The following TAAR5 variants were observed in gnomAD, a reference collection of about 807,000 sequenced individuals.
TAAR5 encodes trace amine-associated receptor 5.
A neutral mutation model predicts 21.1 loss-of-function variants in TAAR5; 27 were observed. That is an observed-to-expected ratio of 1.28 (90% CI 0.94 to 1.76). TAAR5 has a LOEUF of 1.76. TAAR5 is among the 40% of genes most tolerant of loss of function. The pLI is 0.00. For synonymous variants in TAAR5, 203 were observed against 167.5 expected (o/e 1.21, Z -1.64); for missense variants, 495 against 405.6 (o/e 1.22, Z -1.89).
chr6:132,600,232 A>G, the TAAR5 span, among the ~76,000 whole-genome samples: 2 of 152,130 alleles, frequency 1.3e-5, no homozygotes, highest in Non-Finnish European at 2.9e-5. Context: ...AGTATTGTTT[A>G]ACTTCTTTTA....
chr6:132,588,818 A>C lies in TAAR5; in HGVS notation c.869T>G (p.Phe290Cys), dbSNP rs368077171. The change falls in exon 1 of 1, where the codon TTT becomes TGT. Residue 290 changes from phenylalanine (F) to cysteine (C), a missense_variant. Phe to Cys is a radical substitution (Grantham distance 205, BLOSUM62 -2). Transcript: ENST00000258034. ...TGAGTTGAAGTAAGCAAACCAGATA[A>C]AGATGTCAAAGACCAGTGGGGGTGT... ...FITPPLVFDIFIWFAYFNSAC... is the reference protein window; with the variant it reads ...FITPPLVFDICIWFAYFNSAC... 4.3e-6 allele frequency: 7 copies of C among 1,613,998 alleles called. No homozygotes were observed. The East Asian group carries it at 1.3e-4, about 31-fold the overall frequency.
At chr6:132,602,600 T>C in the TAAR5 span, among the ~76,000 whole-genome samples, 1,204 of 152,236 alleles carry the variant, frequency 7.9e-3, 11 homozygotes, top group African/African-American at 0.028. Flanking sequence ...TCCTGCTGTG[T>C]AGCTCAGTTC....
At chr6:132,603,026 G>A in the TAAR5 span, among the ~76,000 whole-genome samples, 4 of 151,804 alleles carry the variant, frequency 2.6e-5, no homozygotes, top group African/African-American at 9.7e-5. Context: ...GAAAATTGTC[G>A]GCCAGGCACA....
At chr6:132,607,697 G>C in the TAAR5 span, among the ~76,000 whole-genome samples, 1 of 152,194 alleles carries the variant, frequency 6.6e-6, no homozygotes, top group Non-Finnish European at 1.5e-5. Flanking sequence ...ACCTATGGCA[G>C]TAGTGAGCCT....
chr6:132,599,976 T>C, the TAAR5 span, among the ~76,000 whole-genome samples: 1 of 152,184 alleles, frequency 6.6e-6, no homozygotes, highest in African/African-American at 2.4e-5. Context: ...AAAGCATTTG[T>C]AAACAAACAA....
chr6:132,615,444 A>G, the TAAR5 span, among the ~76,000 whole-genome samples: 1 of 146,622 alleles, frequency 6.8e-6, no homozygotes. Context: ...GAAAATCTTT[A>G]TTTAAAAAAA....
At chr6:132,609,920 C>T in the TAAR5 span, among the ~76,000 whole-genome samples, 1 of 152,194 alleles carries the variant, frequency 6.6e-6, no homozygotes, top group Non-Finnish European at 1.5e-5. Context: ...CTTAGCTTCT[C>T]TGTTTGCTAC....
At chr6:132,608,822 C>T in the TAAR5 span, 1 of 455,930 alleles carries the variant, frequency 2.2e-6, no homozygotes, top group South Asian at 1.5e-5. Flanking sequence ...CAGCAAAATG[C>T]CAGCAGTTGC....
the TAAR5 span, among the ~76,000 whole-genome samples, chr6:132,607,259 CCTT>C: frequency 6.6e-6 from 1 of 151,926 alleles, no homozygotes; most frequent in East Asian, 1.9e-4. Context: ...ATTCTACTCT[CCTT>C]CTCCTTCTCC....
At chr6:132,597,845 C>T in the TAAR5 span, among the ~76,000 whole-genome samples, 19 of 152,082 alleles carry the variant, frequency 1.2e-4, no homozygotes, top group South Asian at 2.3e-3. Context: ...AGGGAGAAGA[C>T]GATAGACTAA....
chr6:132,595,168 C>T, the TAAR5 span: 1 of 153,280 alleles, frequency 6.5e-6, no homozygotes, highest in East Asian at 1.9e-4. Flanking sequence ...TGTGATCACA[C>T]TGAAGGGCAT....
upstream of TAAR5, among the ~76,000 whole-genome samples, chr6:132,590,075 G>A (rs200809207): frequency 6.8e-4 from 103 of 152,262 alleles, 2 homozygotes; most frequent in African/African-American, 2.3e-3. Context: ...TGTCTCTTAC[G>A]TTTTGATAAG....
chr6:132,591,125 G>T (rs1204115296), upstream of TAAR5, among the ~76,000 whole-genome samples: 1 of 152,094 alleles, frequency 6.6e-6, no homozygotes, highest in African/African-American at 2.4e-5. Context: ...CCTTTCTTAT[G>T]CCATACCTAA....
chr6:132,606,206 T>C, the TAAR5 span, among the ~76,000 whole-genome samples: 111,155 of 151,968 alleles, frequency 0.73, 41,887 homozygotes, highest in African/African-American at 0.92. Context: ...ATCAGCATCG[T>C]GTGATATACC....
the TAAR5 span, among the ~76,000 whole-genome samples, chr6:132,604,332 G>A: frequency 6.6e-6 from 1 of 151,544 alleles, no homozygotes; most frequent in Non-Finnish European, 1.5e-5. Context: ...TAGTAGAGAC[G>A]GGGTTTCACC....
chr6:132,606,689 T>C, the TAAR5 span, among the ~76,000 whole-genome samples: 1 of 152,194 alleles, frequency 6.6e-6, no homozygotes, highest in Non-Finnish European at 1.5e-5. Context: ...GAATAAAAAC[T>C]GTAACGATGG....
the TAAR5 span, among the ~76,000 whole-genome samples, chr6:132,602,428 A>G: frequency 4.0e-4 from 61 of 152,324 alleles, no homozygotes; most frequent in Non-Finnish European, 7.6e-4. Flanking sequence ...GGTGCAAGCT[A>G]CATCCGTTGC....
chr6:132,595,587 T>C, the TAAR5 span, among the ~76,000 whole-genome samples: 1 of 152,150 alleles, frequency 6.6e-6, no homozygotes, highest in African/African-American at 2.4e-5. Flanking sequence ...AATCCAAATA[T>C]GAATTCCCTA....
the TAAR5 span, among the ~76,000 whole-genome samples, chr6:132,606,743 C>T: frequency 1.3e-5 from 2 of 152,040 alleles, no homozygotes; most frequent in African/African-American, 2.4e-5. Flanking sequence ...CCCTTCGAGA[C>T]GGAAGTTGAG....
Sources: gnomAD v4.1 joint callset for allele counts (sites outside exome capture counted in the v4.1 genomes callset) on GRCh38, gnomAD v4.1.1 for gene constraint, MANE v1.5 for transcripts, NCBI Gene and HGNC (gene_info 2026-07-23, HGNC 2026-07-21) for gene names.